Variants in ADGRA2 observed in about 807,000 individuals in gnomAD.
ADGRA2 encodes adhesion G protein-coupled receptor A2, also known as G-protein coupled receptor 124.
Under a neutral mutation model 98.7 loss-of-function variants are expected in ADGRA2, and 61 were observed. The observed-to-expected ratio is 0.62, with a 90% CI of 0.50 to 0.76. The LOEUF is 0.76. ADGRA2 is among the 30% of genes least tolerant of loss of function. The pLI is 0.00. For synonymous variants in ADGRA2, 858 were observed against 831.5 expected (o/e 1.03, Z -0.55); for missense variants, 1,712 against 1,860.0 (o/e 0.92, Z 1.46).
In ADGRA2 at chr8:37,835,870, G is replaced by A. The variant is rs1186100403; in HGVS notation, c.2050+100G>A. On this transcript the variant is annotated intron_variant, in intron 13 of 18. Transcript: ENST00000412232. ...CCCTGGCCCACAGCCCCCCAGTGCC[G>A]TAGTGGAACTGACACAGGATGTTGG... 40 of 725,946 alleles carry A rather than the reference G, an allele frequency of 5.5e-5. 1 individual carries two copies. The highest frequency in any genetic ancestry group is 5.1e-4 in the East Asian group (19 of 36,958). 45.0% of individuals were successfully genotyped at this position (725,946 alleles called of 1,614,324 possible).
At position 37,797,029 on chromosome 8, in the gene ADGRA2, G is replaced by A. The variant is rs1364390031; in HGVS notation, c.-240G>A. 1.1e-5 allele frequency: 2 copies of A among 185,092 alleles called. No homozygotes were observed. Among genetic ancestry groups the A allele is most frequent in the Non-Finnish European group, 2.2e-5 (2 of 91,146 alleles). The allele number at this position is 185,092 out of a possible 1,614,324, so 11.5% of individuals were successfully genotyped here. On this transcript the variant is annotated 5_prime_UTR_variant, in exon 1 of 19. Transcript: ENST00000412232. This position sits in a 1 kb window ranked among gnomAD's most constrained non-coding sequence, Gnocchi z 5.3. ...CGGGCGCTGAGACTCCGGCCGCGCA[G>A]CTGGGAGCTGCCCGCGCTGCGCTGA...
chr8:37,826,983 C>T (rs73595002), intron 2 of ADGRA2, among the ~76,000 whole-genome samples: 8 of 152,268 alleles, frequency 5.3e-5, no homozygotes, highest in Admixed American at 6.5e-5. Context: ...CCTGTCTTCC[C>T]GCCACAGCCC....
chr8:37,808,266 G>A (rs1011192511), intron 1 of ADGRA2, among the ~76,000 whole-genome samples: 4 of 152,340 alleles, frequency 2.6e-5, no homozygotes, highest in Middle Eastern at 3.4e-3. Context: ...GAAAGAAGCC[G>A]AAGATGCCTG....
chr8:37,828,478 GTTCTTT>G (rs1805347574), intron 2 of ADGRA2, among the ~76,000 whole-genome samples: 1 of 112,504 alleles, frequency 8.9e-6, no homozygotes, highest in South Asian at 3.6e-4. Context: ...CGAGGGGGTG[GTTCTTT>G]TTTTTTTTTT....
intron 1 of ADGRA2, among the ~76,000 whole-genome samples, chr8:37,811,479 T>C (rs1205101156): frequency 6.7e-6 from 1 of 148,174 alleles, no homozygotes; most frequent in Non-Finnish European, 1.5e-5. Context: ...GCCAACTTTT[T>C]TTTTTTTTTT....
chr8:37,833,954 C>T lies in ADGRA2; in HGVS notation c.1447-13C>T. On this transcript the variant is annotated splice_polypyrimidine_tract_variant and intron_variant, in intron 10 of 18. Coordinates refer to ENST00000412232, the MANE Select transcript of ADGRA2 (RefSeq NM_032777.10). Reference sequence around the variant, plus strand: ...CCCCGCCCCTGCCCTCAGCAACTTCCCTGTCCCCCCAGCTGGTAGAGGTGA... The same window carrying T: ...CCCCGCCCCTGCCCTCAGCAACTTCTCTGTCCCCCCAGCTGGTAGAGGTGA... 6.2e-7 allele frequency: 1 copy of T among 1,610,110 alleles called. No individual in the cohort carries two copies. The highest frequency in any genetic ancestry group is 8.5e-7 in the Non-Finnish European group (1 of 1,177,348).
At chr8:37,819,734 A>T (rs1048202231) in intron 2 of ADGRA2, among the ~76,000 whole-genome samples, 2 of 151,440 alleles carry the variant, frequency 1.3e-5, no homozygotes, top group East Asian at 3.9e-4. Context: ...GCAGTGGCAC[A>T]ATCTTGGCTC....
At chr8:37,832,585 C>T (rs1484361838) in intron 8 of ADGRA2, among the ~76,000 whole-genome samples, 1 of 152,114 alleles carries the variant, frequency 6.6e-6, no homozygotes, top group African/African-American at 2.4e-5. Context: ...CTGTGCCTGG[C>T]CACAAAAAGG....
chr8:37,813,903 C>T (rs1331118383), intron 1 of ADGRA2, among the ~76,000 whole-genome samples: 1 of 152,192 alleles, frequency 6.6e-6, no homozygotes, highest in Non-Finnish European at 1.5e-5. Flanking sequence ...CTTCCCACTT[C>T]CCCCTCCCTT....
intron 2 of ADGRA2, among the ~76,000 whole-genome samples, chr8:37,815,443 A>G (rs1031549198): frequency 1.3e-5 from 2 of 152,058 alleles, no homozygotes; most frequent in African/African-American, 4.8e-5. Flanking sequence ...ACTCCAGCCC[A>G]CCCCACCCTG....
At position 37,835,779 on chromosome 8, in the gene ADGRA2, C is replaced by G; in HGVS notation, c.2050+9C>G. ...CATCTTCGCAGGAACCAGTAAGGGACTGAATTCCCCGCCCCGCCCAGGGTG... is the reference window on the plus strand; with the variant it reads ...CATCTTCGCAGGAACCAGTAAGGGAGTGAATTCCCCGCCCCGCCCAGGGTG... On this transcript the variant is annotated intron_variant, in intron 13 of 18. Coordinates refer to ENST00000412232, the MANE Select transcript of ADGRA2 (RefSeq NM_032777.10). 1 of 1,580,606 alleles carries G rather than the reference C, an allele frequency of 6.3e-7. No individual in the cohort carries two copies. The highest frequency in any genetic ancestry group is 1.1e-5 in the South Asian group (1 of 90,362).
chr8:37,840,763 C>T lies in ADGRA2; in HGVS notation c.2661C>T (p.Phe887=), dbSNP rs777712562. The stretch of plus-strand genomic sequence containing the variant: ...CCCAATCCCTCATTCCCTCCAGGTT[C>T]TATTTGATCGCTGGAGGGATTCCAC... ...ALPTPSPMLR[F]YLIAGGIPLI... The change falls in exon 18 of 19, where the codon TTC becomes TTT. Residue 887 remains phenylalanine, a synonymous_variant. Transcript: ENST00000412232. 1 of 1,574,094 alleles carries T rather than the reference C, an allele frequency of 6.4e-7. No homozygotes were observed. The highest frequency in any genetic ancestry group is 8.7e-7 in the Non-Finnish European group (1 of 1,144,168).
intron 2 of ADGRA2, among the ~76,000 whole-genome samples, chr8:37,815,169 C>T (rs1170302478): frequency 6.6e-6 from 1 of 152,230 alleles, no homozygotes; most frequent in Non-Finnish European, 1.5e-5. Flanking sequence ...GAACGAGAGA[C>T]CAGCTCCTCT....
At chr8:37,816,429 CT>C (rs1482187505) in intron 2 of ADGRA2, among the ~76,000 whole-genome samples, 1 of 151,830 alleles carries the variant, frequency 6.6e-6, no homozygotes, top group Non-Finnish European at 1.5e-5. Flanking sequence ...CCCACCTCTA[CT>C]AAAAATACAA....
chr8:37,824,338 T>C (rs73594996), intron 2 of ADGRA2, among the ~76,000 whole-genome samples: 1 of 151,960 alleles, frequency 6.6e-6, no homozygotes, highest in Non-Finnish European at 1.5e-5. Flanking sequence ...CTGCCCATTT[T>C]TTTCAACTGG....
chr8:37,833,872 C>T (rs368279474), intron 10 of ADGRA2, 35 bp downstream of exon 10: 18 of 1,610,804 alleles, frequency 1.1e-5, no homozygotes, highest in African/African-American at 8.0e-5. Context: ...GCTCGGAAAA[C>T]GCCCCCATCC....
Position 37,839,529 on chromosome 8 carries a change from C to T in ADGRA2, c.2418C>T (p.His806=), listed in dbSNP as rs1471085376. 2.5e-6 allele frequency: 4 copies of T among 1,614,056 alleles called. No homozygotes were observed. Among genetic ancestry groups the T allele is most frequent in the East Asian group, 2.2e-5 (1 of 44,898 alleles). Reference sequence around the variant, plus strand: ...TCCGTGTGTCCCGGAAAGGCTGGCACATGCTGCTGAACTTGTGCTTCCACA... The same window carrying T: ...TCCGTGTGTCCCGGAAAGGCTGGCATATGCTGCTGAACTTGTGCTTCCACA... The part of the protein sequence containing the change: ...SSIRVSRKGW[H]MLLNLCFHIA... The change falls in exon 16 of 19, where the codon CAC becomes CAT. Residue 806 remains histidine, a synonymous_variant. Coordinates refer to ENST00000412232, the MANE Select transcript of ADGRA2 (RefSeq NM_032777.10).
intron 1 of ADGRA2, among the ~76,000 whole-genome samples, chr8:37,799,914 A>G (rs576156503): frequency 1.3e-5 from 2 of 152,142 alleles, no homozygotes; most frequent in South Asian, 2.1e-4. Flanking sequence ...CCTCATCCTC[A>G]TGGCACCCCC....
Position 37,796,883 on chromosome 8 carries a change from A to G in ADGRA2, c.-386A>G, listed in dbSNP as rs1804336160. On this transcript the variant is annotated 5_prime_UTR_variant, in exon 1 of 19. Coordinates refer to ENST00000412232, the MANE Select transcript of ADGRA2 (RefSeq NM_032777.10). The stretch of plus-strand genomic sequence containing the variant: ...AGCGGCGCGGCGCGGAGCTGCCTCC[A>G]TCCATGGCACGGAGCGGCGGCGGCG... 1 of 153,716 alleles carries G rather than the reference A, an allele frequency of 6.5e-6. No homozygotes were observed. The highest frequency in any genetic ancestry group is 1.4e-5 in the Non-Finnish European group (1 of 69,046). 9.5% of individuals were successfully genotyped at this position (153,716 alleles called of 1,614,324 possible). A position where few individuals can be genotyped will look rare whatever the true frequency, so the allele number is the denominator to read the frequency against.
Sources: gnomAD v4.1 joint callset for allele counts (sites outside exome capture counted in the v4.1 genomes callset) on GRCh38, gnomAD v4.1.1 for gene constraint, Gnocchi (gnomAD v3.1) non-coding constraint, MANE v1.5 for transcripts, NCBI Gene and HGNC (gene_info 2026-07-23, HGNC 2026-07-21) for gene names.